Variants in DENND4C observed in about 807,000 individuals in gnomAD.
The protein encoded by DENND4C is DENN domain containing 4C.
Under a neutral mutation model 203.0 loss-of-function variants are expected in DENND4C, and 108 were observed. The ratio of observed to expected loss-of-function variants is 0.53; its 90% CI spans 0.46 to 0.62. The LOEUF (loss-of-function observed/expected upper bound fraction) is 0.62. DENND4C is among the 20% of genes least tolerant of loss of function. DENND4C has a pLI of 0.00. For synonymous variants in DENND4C, 871 were observed against 792.4 expected (o/e 1.10, Z -1.67); for missense variants, 2,481 against 2,301.2 (o/e 1.08, Z -1.60).
At chr9:19,325,573 T>A (rs999894026) in intron 13 of DENND4C, among the ~76,000 whole-genome samples, 4 of 152,172 alleles carry the variant, frequency 2.6e-5, no homozygotes, top group Non-Finnish European at 4.4e-5. Flanking sequence ...CATTTTTGTT[T>A]ATTTACAAAA....
chr9:19,317,203 A>G (rs1223102910), intron 12 of DENND4C, among the ~76,000 whole-genome samples: 1 of 129,162 alleles, frequency 7.7e-6, no homozygotes, highest in Non-Finnish European at 1.6e-5. Flanking sequence ...TTTTTTTTTA[A>G]TAGAGCAGAG....
rs747515678 is a variant in DENND4C at position 19,305,656 on chromosome 9, C to G, written c.1487+129C>G. 214 of 854,560 alleles carry G rather than the reference C, an allele frequency of 2.5e-4. 1 individual carries two copies. The highest frequency in any genetic ancestry group is 3.4e-4 in the Non-Finnish European group (196 of 572,698). The allele number at this position is 854,560 out of a possible 1,614,324, so 52.9% of individuals were successfully genotyped here. A position where few individuals can be genotyped will look rare whatever the true frequency, so the allele number is the denominator to read the frequency against. On this transcript the variant is annotated intron_variant, in intron 10 of 32. Coordinates refer to ENST00000434457, the MANE Select transcript of DENND4C (RefSeq NM_001330640.2). ...AATCTTCGTCTTAAATACAGCAGCT[C>G]TCAACCAGGGCAGGTATCAGAATCT... is the stretch of plus-strand genomic sequence containing the variant.
chr9:19,349,262 G>C (rs1222964241), intron 23 of DENND4C, among the ~76,000 whole-genome samples: 1 of 152,078 alleles, frequency 6.6e-6, no homozygotes, highest in African/African-American at 2.4e-5. Context: ...ACAAAAATTA[G>C]CTGGGCGTGA....
intron 1 of DENND4C, among the ~76,000 whole-genome samples, chr9:19,246,538 T>C (rs1248944232): frequency 6.6e-6 from 1 of 152,158 alleles, no homozygotes; most frequent in Admixed American, 6.6e-5. Flanking sequence ...GCCACTGCAC[T>C]GGGCATGTTT....
chr9:19,339,223 A>G (rs1382903571), intron 20 of DENND4C, among the ~76,000 whole-genome samples: 2 of 152,176 alleles, frequency 1.3e-5, no homozygotes, highest in African/African-American at 2.4e-5. Flanking sequence ...TTTCTCTTGT[A>G]TATAACCACA....
chr9:19,360,539 TA>T, intron 29 of DENND4C, 50 bp downstream of exon 29: 1 of 1,606,836 alleles, frequency 6.2e-7, no homozygotes, highest in South Asian at 1.1e-5. Context: ...GGATGAGGCT[TA>T]ACTTCAAGGT....
chr9:19,233,265 T>A (rs1821033507), intron 1 of DENND4C, among the ~76,000 whole-genome samples: 1 of 152,172 alleles, frequency 6.6e-6, no homozygotes, highest in Non-Finnish European at 1.5e-5. Context: ...AAAATGTTAA[T>A]TTTCTTTATA....
intron 10 of DENND4C, among the ~76,000 whole-genome samples, chr9:19,309,586 A>T (rs72700408): frequency 5.3e-5 from 8 of 151,964 alleles, no homozygotes; most frequent in African/African-American, 1.4e-4. Flanking sequence ...TTTTTTGGCA[A>T]TGTCCATGGT....
chr9:19,360,714 T>G (rs748915518), intron 29 of DENND4C, among the ~76,000 whole-genome samples: 1 of 152,236 alleles, frequency 6.6e-6, no homozygotes, highest in Non-Finnish European at 1.5e-5. Context: ...CTGCTTTTGG[T>G]CCAGGATGGC....
At chr9:19,324,054 CTG>C (rs1272988796) in intron 12 of DENND4C, among the ~76,000 whole-genome samples, 1 of 152,032 alleles carries the variant, frequency 6.6e-6, no homozygotes, top group Non-Finnish European at 1.5e-5. Context: ...TCCCTTCAGA[CTG>C]TGTGTATAAT....
chr9:19,374,249 A>G lies in DENND4C; in HGVS notation c.*2076A>G, dbSNP rs112638758. On this transcript the variant is annotated 3_prime_UTR_variant, in exon 33 of 33. Coordinates refer to ENST00000434457, the MANE Select transcript of DENND4C (RefSeq NM_001330640.2). ...TTCACTTACTGACGCGCTTCCCATTAAAAAAAATCTGTAAAGATCTCTACC... is the reference window on the plus strand; with the variant it reads ...TTCACTTACTGACGCGCTTCCCATTGAAAAAAATCTGTAAAGATCTCTACC... Among the ~76,000 whole-genome samples the G allele has an allele frequency of 6.6e-6, 1 of 151,990 alleles. No individual in the cohort carries two copies. The highest frequency in any genetic ancestry group is 1.5e-5 in the Non-Finnish European group (1 of 67,988).
intron 23 of DENND4C, among the ~76,000 whole-genome samples, chr9:19,349,289 T>TC (rs1356857601): frequency 6.6e-6 from 1 of 152,000 alleles, no homozygotes; most frequent in Non-Finnish European, 1.5e-5. Flanking sequence ...GTACCTGTAG[T>TC]CTCAGCTACT....
In DENND4C at chr9:19,336,450, A is replaced by T. The variant is rs751415890; in HGVS notation, c.2734+36A>T. On this transcript the variant is annotated intron_variant, in intron 19 of 32. Coordinates refer to ENST00000434457, the MANE Select transcript of DENND4C (RefSeq NM_001330640.2). ...TGATTAGAAATATAATTCCTTACTG[A>T]ACCATGAGCTTTATAGGCATATGAA... is the stretch of plus-strand genomic sequence containing the variant. 4 of 1,589,706 alleles carry T rather than the reference A, an allele frequency of 2.5e-6. No homozygotes were observed. The African/African-American group carries it at 5.4e-5, about 22-fold the overall frequency.
At chr9:19,316,975 A>G (rs1588905506) in intron 12 of DENND4C, 136 bp downstream of exon 12, 2 of 798,878 alleles carry the variant, frequency 2.5e-6, no homozygotes, top group East Asian at 5.8e-5. Context: ...ATGTATTTGT[A>G]ACCTAGCTTT....
chr9:19,310,867 A>G (rs775784023), intron 10 of DENND4C, among the ~76,000 whole-genome samples: 21 of 152,138 alleles, frequency 1.4e-4, no homozygotes, highest in Admixed American at 6.5e-4. Flanking sequence ...AAATTACATT[A>G]TAAAATCAAT....
intron 1 of DENND4C, among the ~76,000 whole-genome samples, chr9:19,241,270 TTTG>T (rs1182397687): frequency 6.6e-6 from 1 of 152,214 alleles, no homozygotes; most frequent in Non-Finnish European, 1.5e-5. Flanking sequence ...CTTTAAAATG[TTTG>T]TTGTTTTTTG....
chr9:19,342,906 G>A, intron 22 of DENND4C, 127 bp downstream of exon 22: 1 of 726,914 alleles, frequency 1.4e-6, no homozygotes, highest in Non-Finnish European at 2.0e-6. Flanking sequence ...AGGGACTTTT[G>A]AATTCTCTAA....
intron 9 of DENND4C, among the ~76,000 whole-genome samples, chr9:19,302,809 C>A (rs574312136): frequency 6.6e-6 from 1 of 152,292 alleles, no homozygotes; most frequent in East Asian, 1.9e-4. Context: ...CTTAAGGCCT[C>A]TGCCCTAGCT....
At chr9:19,319,377 C>CACATATAT (rs1563799161) in intron 12 of DENND4C, among the ~76,000 whole-genome samples, 26 of 109,838 alleles carry the variant, frequency 2.4e-4, no homozygotes, top group African/African-American at 8.8e-4. Context: ...TATATATACA[C>CACATATAT]ATACATATAT....
Sources: allele counts gnomAD v4.1 joint callset (sites outside exome capture counted in the v4.1 genomes callset), GRCh38; gene constraint gnomAD v4.1.1; transcripts MANE v1.5; gene names NCBI Gene and HGNC (gene_info 2026-07-23, HGNC 2026-07-21).